Variants in DIPK2A observed in about 807,000 individuals in gnomAD.
DIPK2A encodes divergent protein kinase domain 2A.
A neutral mutation model predicts 39.0 loss-of-function variants in DIPK2A; 27 were observed. The observed-to-expected ratio is 0.69, with a 90% confidence interval of 0.51 to 0.96. The LOEUF is 0.96. DIPK2A is among the 40% of genes least tolerant of loss of function. DIPK2A has a pLI of 0.00. For missense variants in DIPK2A, 528 were observed against 571.3 expected (o/e 0.92, Z 0.77); for synonymous variants, 298 against 240.8 (o/e 1.24, Z -2.20).
rs796910331 is a variant in DIPK2A, at chr3:143,989,908, C to T, written c.*67C>T. 27 of 1,266,176 alleles carry T rather than the reference C, an allele frequency of 2.1e-5. No homozygotes were observed. The highest frequency in any genetic ancestry group is 2.1e-4 in the African/African-American group (14 of 66,952). 78.4% of individuals were successfully genotyped at this position (1,266,176 alleles called of 1,614,324 possible). On this transcript the variant is annotated 3_prime_UTR_variant, in exon 3 of 3. Coordinates refer to ENST00000315691, the MANE Select transcript of DIPK2A (RefSeq NM_173552.5). ...TGGCTAAAACTAAACCACCAAAAAA[C>T]GATCTGAAAAAATGAAATTTGGAAG...
In DIPK2A at chr3:143,972,606, T is replaced by TACTTCGCGCAGTACGGCGAGCCCCGC. The variant is rs754513987; in HGVS notation, c.275_300dup (p.Glu101ThrfsTer116). 1 of 1,612,164 alleles carries TACTTCGCGCAGTACGGCGAGCCCCGC rather than the reference T, an allele frequency of 6.2e-7. No homozygotes were observed. Among genetic ancestry groups the TACTTCGCGCAGTACGGCGAGCCCCGC allele is most frequent in the South Asian group, 1.1e-5 (1 of 91,048 alleles). The stretch of plus-strand genomic sequence containing the variant: ...GGACTTCCTCAACGTGAAGAACGTG[T>TACTTCGCGCAGTACGGCGAGCCCCGC]ACTTCGCGCAGTACGGCGAGCCCCG... On this transcript the variant is annotated frameshift_variant, in exon 1 of 3. Transcript: ENST00000315691. LOFTEE classifies it high-confidence loss of function.
intron 1 of DIPK2A, among the ~76,000 whole-genome samples, chr3:143,979,268 A>G (rs2087793579): frequency 2.0e-5 from 3 of 152,160 alleles, no homozygotes; most frequent in Admixed American, 6.5e-5. Flanking sequence ...TCTCATATGA[A>G]GTGTAATGAA....
intron 1 of DIPK2A, chr3:143,978,604 ATATATATATATCT>A (rs2087765892): frequency 2.8e-5 from 1 of 35,590 alleles, no homozygotes; most frequent in African/African-American, 4.8e-4. Flanking sequence ...CTATCTATCT[ATATATATATATCT>A]ATATCTATAT....
chr3:143,986,632 G>A (rs1276705287), intron 2 of DIPK2A, among the ~76,000 whole-genome samples: 1 of 151,284 alleles, frequency 6.6e-6, no homozygotes, highest in African/African-American at 2.4e-5. Flanking sequence ...GCTGAGGCAG[G>A]AGAATGGCGT....
rs566347632 is a variant in DIPK2A, at chr3:143,972,102, G to C, written c.-231G>C. On this transcript the variant is annotated 5_prime_UTR_variant, in exon 1 of 3. Coordinates refer to ENST00000315691, the MANE Select transcript of DIPK2A (RefSeq NM_173552.5). ...GTCGGAGGGCGGGGAGCTAGGAGGA[G>C]GGAGCTCGAGAGTTGTGGAGACTAG... 1.4e-3 allele frequency: 535 copies of C among 394,276 alleles called. 1 individual carries two copies. The highest frequency in any genetic ancestry group is 2.3e-3 in the Non-Finnish European group (508 of 224,278). 24.4% of individuals were successfully genotyped at this position (394,276 alleles called of 1,614,324 possible). A position where few individuals can be genotyped will look rare whatever the true frequency, so the allele number is the denominator to read the frequency against.
rs777831996 is a variant in DIPK2A, at chr3:143,985,792, A to G, written c.907A>G (p.Ile303Val). The G allele has an allele frequency of 9.3e-6, 15 of 1,613,904 alleles. No individual in the cohort carries two copies. The highest frequency in any genetic ancestry group is 1.2e-5 in the Non-Finnish European group (14 of 1,179,956). The stretch of plus-strand genomic sequence containing the variant: ...AGTTGGTCCTAGAGATGGGAAGGTA[A>G]TCATTGTGGATGCTGAAAATGTTTT... ...FAVGPRDGKV[I>V]IVDAENVLVA... Residue 303 changes from isoleucine (I) to valine (V), a missense_variant, in exon 2 of 3, where the codon ATC (isoleucine) becomes GTC (valine). By Grantham distance (29) the Ile-to-Val change is conservative (BLOSUM62 3). Coordinates refer to ENST00000315691, the MANE Select transcript of DIPK2A (RefSeq NM_173552.5).
chr3:143,990,065 C>T lies in DIPK2A; in HGVS notation c.*224C>T. The T allele has an allele frequency of 3.9e-6, 2 of 507,424 alleles. No individual in the cohort carries two copies. The highest frequency in any genetic ancestry group is 5.6e-5 in the South Asian group (2 of 36,008). The allele number at this position is 507,424 out of a possible 1,614,324, so 31.4% of individuals were successfully genotyped here. A position where few individuals can be genotyped will look rare whatever the true frequency, so the allele number is the denominator to read the frequency against. ...TGTTCTTATACTTTGGAGGCTTGAG[C>T]TGTCATCAGCTGCTCCCCACTACCC... On this transcript the variant is annotated 3_prime_UTR_variant, in exon 3 of 3. Coordinates refer to ENST00000315691, the MANE Select transcript of DIPK2A (RefSeq NM_173552.5).
At position 143,976,215 on chromosome 3, in the gene DIPK2A, T is replaced by C. The variant is rs149339358; in HGVS notation, c.657+3226T>C. ...TTACAACAGTTTACCCATAGAATTA[T>C]TATCTTCTAAAAAATGTTTATAAAC... On this transcript the variant is annotated intron_variant, in intron 1 of 2. Coordinates refer to ENST00000315691, the MANE Select transcript of DIPK2A (RefSeq NM_173552.5). Among the ~76,000 whole-genome samples the C allele has an allele frequency of 2.6e-3, 392 of 152,186 alleles. 2 individuals carry two copies. Among genetic ancestry groups the C allele is most frequent in the African/African-American group, 8.6e-3 (358 of 41,562 alleles).
chr3:143,981,866 G>A (rs938380237), intron 1 of DIPK2A, among the ~76,000 whole-genome samples: 6 of 152,100 alleles, frequency 3.9e-5, no homozygotes, highest in African/African-American at 1.2e-4. Context: ...GTGACTTTAG[G>A]TAAATCGTTT....
At chr3:143,984,898 G>A (rs903436859) in intron 1 of DIPK2A, among the ~76,000 whole-genome samples, 1 of 152,152 alleles carries the variant, frequency 6.6e-6, no homozygotes, top group African/African-American at 2.4e-5. Flanking sequence ...TGGATGTAGG[G>A]TAAAAGACAT....
At chr3:143,982,586 C>G (rs74821940) in intron 1 of DIPK2A, among the ~76,000 whole-genome samples, 1 of 152,066 alleles carries the variant, frequency 6.6e-6, no homozygotes, top group Non-Finnish European at 1.5e-5. Flanking sequence ...CCTTACAAGA[C>G]CTCCTGAAGG....
chr3:143,989,766 G>C lies in DIPK2A; in HGVS notation c.1218G>C (p.Lys406Asn). Residue 406 changes from lysine to asparagine, a missense_variant, in exon 3 of 3, where the codon AAG becomes AAC. Around this residue, in one of 2 missense-constraint regions of DIPK2A, gnomAD observed 219 missense variants for 281.5 expected, o/e 0.78. Coordinates refer to ENST00000315691, the MANE Select transcript of DIPK2A (RefSeq NM_173552.5). ...TGCTGGATGAGTGTGCCAACCCAAA[G>C]AAGCGCTATGGCAGATTCCAGGCTG... ...EALLDECANPKKRYGRFQAAK... is the reference protein window; with the variant it reads ...EALLDECANPNKRYGRFQAAK... 6.2e-7 allele frequency: 1 copy of C among 1,614,170 alleles called. No individual in the cohort carries two copies. The highest frequency in any genetic ancestry group is 1.1e-5 in the South Asian group (1 of 91,088).
At chr3:143,984,473 G>A (rs140252363) in intron 1 of DIPK2A, among the ~76,000 whole-genome samples, 33 of 150,856 alleles carry the variant, frequency 2.2e-4, no homozygotes, top group Middle Eastern at 6.8e-3. Flanking sequence ...TTTCAGTATT[G>A]TTGTGTCTCA....
chr3:143,972,674 G>T lies in DIPK2A; in HGVS notation c.342G>T (p.Ser114=). 1.2e-6 allele frequency: 2 copies of T among 1,608,722 alleles called. No individual in the cohort carries two copies. Among genetic ancestry groups the T allele is most frequent in the Non-Finnish European group, 1.7e-6 (2 of 1,178,078 alleles). Residue 114 remains serine, a synonymous_variant, in exon 1 of 3, where the codon TCG becomes TCT. Coordinates refer to ENST00000315691, the MANE Select transcript of DIPK2A (RefSeq NM_173552.5). ...GAGTGGTGCTCAAGCGCCTCGGCTC[G>T]CAGCGCGAGCTGGCGCAGCTCGACC... ...RRRVVLKRLG[S]QRELAQLDQS...
At chr3:143,989,424 A>G in intron 2 of DIPK2A, 86 bp from the exon 3 acceptor site, 1 of 744,492 alleles carries the variant, frequency 1.3e-6, no homozygotes, top group Non-Finnish European at 2.2e-6. Flanking sequence ...AACAAATACT[A>G]TTAATTAGTG....
intron 1 of DIPK2A, among the ~76,000 whole-genome samples, chr3:143,975,890 C>G (rs551630849): frequency 6.6e-6 from 1 of 152,110 alleles, no homozygotes; most frequent in East Asian, 1.9e-4. Flanking sequence ...AACAAAACTT[C>G]CAGTATCGTA....
At chr3:143,978,636 ATATCTATATATATATATATATATC>A (rs1559854159) in intron 1 of DIPK2A, 10 of 35,956 alleles carry the variant, frequency 2.8e-4, no homozygotes, top group Non-Finnish European at 4.8e-4. Context: ...ATATATATAT[ATATCTATATATATATATATATATC>A]TATATATAGA....
intron 2 of DIPK2A, among the ~76,000 whole-genome samples, chr3:143,986,708 G>A (rs1378533436): frequency 2.9e-5 from 4 of 140,290 alleles, no homozygotes; most frequent in Non-Finnish European, 4.5e-5. Context: ...CTGGGCAACA[G>A]CGAGACTCCG....
chr3:143,987,110 A>G (rs143948829), intron 2 of DIPK2A, among the ~76,000 whole-genome samples: 6 of 152,280 alleles, frequency 3.9e-5, no homozygotes, highest in Admixed American at 1.3e-4. Context: ...ATCCTCCTAC[A>G]GGAAGTGAAC....
Sources: gnomAD v4.1 joint callset for allele counts (sites outside exome capture counted in the v4.1 genomes callset) on GRCh38, gnomAD v4.1.1 for gene constraint, gnomAD v4.1.1 regional missense constraint, MANE v1.5 for transcripts, NCBI Gene and HGNC (gene_info 2026-07-23, HGNC 2026-07-21) for gene names.